Variants in ZBTB46 observed in about 807,000 individuals in gnomAD.
ZBTB46 encodes the protein zinc finger and BTB domain-containing protein 46.
ZBTB46 carries 8 observed loss-of-function variants against 44.1 expected under a neutral mutation model. That is an observed-to-expected ratio of 0.18 (90% CI 0.11 to 0.33). The LOEUF (loss-of-function observed/expected upper bound fraction) is 0.33, where lower values mean the gene tolerates loss of function less well. Among genes scored for constraint, ZBTB46 ranks in the 10% least tolerant of loss-of-function variants. ZBTB46 has a pLI of 1.00. For missense variants in ZBTB46, 651 were observed against 847.7 expected, an observed-to-expected ratio of 0.77 and a Z score of 2.88; for synonymous variants, 409 against 382.3, an observed-to-expected ratio of 1.07 and a Z score of -0.81.
intron 3 of ZBTB46, among the ~76,000 whole-genome samples, chr20:63,759,551 G>C (rs1227599785): frequency 6.6e-6 from 1 of 152,082 alleles, no homozygotes; most frequent in Non-Finnish European, 1.5e-5. Flanking sequence ...GTATTGCACA[G>C]CTTGGGACAA....
intron 1 of ZBTB46, among the ~76,000 whole-genome samples, chr20:63,796,001 A>G (rs67796606): frequency 0.086 from 13,039 of 152,192 alleles, 983 homozygotes; most frequent in East Asian, 0.44. Flanking sequence ...ACTCACTCCA[A>G]TCCTCTCATT....
chr20:63,826,402 C>T (rs1275642428), intron 1 of ZBTB46, among the ~76,000 whole-genome samples: 3 of 152,202 alleles, frequency 2.0e-5, no homozygotes, highest in Non-Finnish European at 4.4e-5. Flanking sequence ...GGGGGCGACA[C>T]CTGGGCCGAC....
rs1268138049 is a variant in ZBTB46 at position 63,746,486 on chromosome 20, C to T, written c.*444G>A. On this transcript the variant is annotated 3_prime_UTR_variant, in exon 5 of 5. Transcript: ENST00000245663. ...ACCTGGCTGCTAGGGGAGGGGAGGG[C>T]GGGCTCCAGCCGGGCTGACCGGGTG... 4.0e-5 allele frequency: 6 copies of T among 150,944 alleles called. No homozygotes were observed. The highest frequency in any genetic ancestry group is 7.1e-5 in the Non-Finnish European group (5 of 70,672). 9.4% of individuals were successfully genotyped at this position (150,944 alleles called of 1,614,324 possible).
rs1477168152 is a variant in ZBTB46, at chr20:63,768,664, G to A, written c.1222+7014C>T. Among the ~76,000 whole-genome samples the A allele has an allele frequency of 2.0e-5, 3 of 151,494 alleles. No homozygotes were observed. In the East Asian group the frequency reaches 5.8e-4, roughly 29 times the overall value. ...GTTAAAGAATTTTTTTTTCTCCAGG[G>A]AGGTACACACCCCATGGCCCTTTCT... On this transcript the variant is annotated intron_variant, in intron 3 of 4. Coordinates refer to ENST00000245663, the MANE Select transcript of ZBTB46 (RefSeq NM_001369741.1).
Position 63,746,544 on chromosome 20 carries a change from G to A in ZBTB46, c.*386C>T, listed in dbSNP as rs2092091017. On this transcript the variant is annotated 3_prime_UTR_variant, in exon 5 of 5. Transcript: ENST00000245663. Reference sequence around the variant, plus strand: ...AACTCTGCACCTGCTCAGGCCAGGGGCCTCTGGGCCGAACACACCACCCCG... The same window carrying A: ...AACTCTGCACCTGCTCAGGCCAGGGACCTCTGGGCCGAACACACCACCCCG... 1 of 202,212 alleles carries A rather than the reference G, an allele frequency of 4.9e-6. No homozygotes were observed. Among genetic ancestry groups the A allele is most frequent in the South Asian group, 1.7e-4 (1 of 5,734 alleles). The allele number at this position is 202,212 out of a possible 1,614,324, so 12.5% of individuals were successfully genotyped here. A position where few individuals can be genotyped will look rare whatever the true frequency, so the allele number is the denominator to read the frequency against.
intron 2 of ZBTB46, among the ~76,000 whole-genome samples, chr20:63,782,333 A>T (rs1235176381): frequency 6.6e-6 from 1 of 152,096 alleles, no homozygotes; most frequent in East Asian, 1.9e-4. Flanking sequence ...GCAGAGAAGG[A>T]GGCAGGAGGG....
chr20:63,747,542 G>GGGC (rs1568824143), intron 4 of ZBTB46, among the ~76,000 whole-genome samples: 3 of 103,764 alleles, frequency 2.9e-5, no homozygotes, highest in East Asian at 4.5e-4. Flanking sequence ...TGGGTGGGGG[G>GGGC]GGTGCGGGGG....
At chr20:63,749,908 G>T (rs1287335656) in intron 4 of ZBTB46, among the ~76,000 whole-genome samples, 1 of 152,256 alleles carries the variant, frequency 6.6e-6, no homozygotes, top group Non-Finnish European at 1.5e-5. Context: ...AAATGCCCTG[G>T]AAGGAAGCAA....
chr20:63,773,073 G>A (rs540476282), intron 3 of ZBTB46, among the ~76,000 whole-genome samples: 59 of 152,296 alleles, frequency 3.9e-4, no homozygotes, highest in African/African-American at 1.3e-3. Flanking sequence ...TGCCACGGGT[G>A]AAATCGACAT....
intron 3 of ZBTB46, among the ~76,000 whole-genome samples, chr20:63,770,961 GCCCGGC>G: frequency 7.7e-6 from 1 of 129,876 alleles, no homozygotes; most frequent in African/African-American, 3.0e-5. Context: ...CACCGGCCAC[GCCCGGC>G]ACAGCAGCCA....
rs1328469265 is a variant in ZBTB46, at chr20:63,803,964, G to A, written c.-33-13174C>T. On this transcript the variant is annotated intron_variant, in intron 1 of 4. Transcript: ENST00000245663. The surrounding 1 kb of genome is among the most constrained non-coding windows in gnomAD (Gnocchi z 4.0). Reference sequence around the variant, plus strand: ...ACCTGCCGCCCTGGCTTCTCAAAGCGCTGGGATGATAGGCGTGAGCCACTG... The same window carrying A: ...ACCTGCCGCCCTGGCTTCTCAAAGCACTGGGATGATAGGCGTGAGCCACTG... Among the ~76,000 whole-genome samples the A allele has an allele frequency of 6.6e-6, 1 of 152,196 alleles. No individual in the cohort carries two copies. The highest frequency in any genetic ancestry group is 1.5e-5 in the Non-Finnish European group (1 of 68,036).
chr20:63,821,860 G>T (rs1249946573), intron 1 of ZBTB46, among the ~76,000 whole-genome samples: 1 of 152,188 alleles, frequency 6.6e-6, no homozygotes, highest in Non-Finnish European at 1.5e-5. Context: ...TGTTTAGGAA[G>T]CACCGAGGCG....
chr20:63,788,790 G>A (rs531988859), intron 2 of ZBTB46, among the ~76,000 whole-genome samples: 4 of 151,074 alleles, frequency 2.6e-5, no homozygotes, highest in South Asian at 2.1e-4. Context: ...AGTGAGCCGA[G>A]ATCACGTCAC....
intron 1 of ZBTB46, among the ~76,000 whole-genome samples, chr20:63,827,471 G>A (rs1051720810): frequency 1.8e-4 from 28 of 151,796 alleles, no homozygotes; most frequent in Non-Finnish European, 3.5e-4. Flanking sequence ...AGCCGGGCGC[G>A]GTGGCGGGCG....
At chr20:63,811,903 C>T (rs1475171466) in intron 1 of ZBTB46, among the ~76,000 whole-genome samples, 1 of 152,204 alleles carries the variant, frequency 6.6e-6, no homozygotes, top group South Asian at 2.1e-4. Flanking sequence ...CTGGCTCATA[C>T]ATCGTTCAGA....
chr20:63,769,474 C>T (rs1316351443), intron 3 of ZBTB46: 38 of 981,988 alleles, frequency 3.9e-5, no homozygotes, highest in Non-Finnish European at 4.5e-5. Flanking sequence ...ACGATCTTCC[C>T]GGCATGCGGT....
chr20:63,819,760 C>T (rs1600721351), intron 1 of ZBTB46, among the ~76,000 whole-genome samples: 1 of 152,162 alleles, frequency 6.6e-6, no homozygotes, highest in Non-Finnish European at 1.5e-5. Flanking sequence ...TCGTAACTCC[C>T]TGCCTCACTC....
chr20:63,776,829 T>C (rs1348900389), intron 2 of ZBTB46, among the ~76,000 whole-genome samples: 1 of 150,938 alleles, frequency 6.6e-6, no homozygotes, highest in Non-Finnish European at 1.5e-5. Flanking sequence ...TTGCAACCTA[T>C]ATATCTGATA....
At chr20:63,756,602 TA>T in intron 3 of ZBTB46, among the ~76,000 whole-genome samples, 1 of 152,392 alleles carries the variant, frequency 6.6e-6, no homozygotes, top group South Asian at 2.1e-4. Context: ...TGCAAATACG[TA>T]TACAGCTCAA....
Sources: gnomAD v4.1 joint callset for allele counts (sites outside exome capture counted in the v4.1 genomes callset) on GRCh38, gnomAD v4.1.1 for gene constraint, Gnocchi (gnomAD v3.1) non-coding constraint, MANE v1.5 for transcripts, NCBI Gene and HGNC (gene_info 2026-07-23, HGNC 2026-07-21) for gene names.